TBC1D4: variants seen among roughly 807,000 people sequenced by gnomAD.
TBC1D4 encodes TBC1 domain family member 4, also known as TBC (Tre-2, BUB2, CDC16) domain-containing protein.
In TBC1D4, 121 loss-of-function variants were observed where a neutral mutation model predicts 142.5. The ratio of observed to expected loss-of-function variants is 0.85; its 90% CI spans 0.73 to 0.99. The LOEUF (loss-of-function observed/expected upper bound fraction) is 0.99. Ranked by LOEUF, TBC1D4 falls within the 50% of genes least tolerant of loss-of-function variation. The probability of loss-of-function intolerance (pLI) is 0.00; values close to 1 mark genes in which losing one functional copy is unlikely to be tolerated. For missense variants in TBC1D4, 1,475 were observed against 1,606.6 expected (o/e 0.92, Z 1.40); for synonymous variants, 630 against 628.2 (o/e 1.00, Z -0.04).
chr13:75,388,248 A>G (rs1028007921), intron 1 of TBC1D4, among the ~76,000 whole-genome samples: 2 of 152,162 alleles, frequency 1.3e-5, no homozygotes, highest in Non-Finnish European at 2.9e-5. Flanking sequence ...TCACATCTGC[A>G]AAGTTAACTT....
chr13:75,361,604 T>C (rs1882513675), intron 2 of TBC1D4, among the ~76,000 whole-genome samples: 1 of 152,210 alleles, frequency 6.6e-6, no homozygotes, highest in Non-Finnish European at 1.5e-5. Context: ...GATCTGGAAC[T>C]CCTGACCTCA....
intron 1 of TBC1D4, among the ~76,000 whole-genome samples, chr13:75,454,224 C>T (rs1887642051): frequency 6.6e-6 from 1 of 151,940 alleles, no homozygotes; most frequent in Non-Finnish European, 1.5e-5. Context: ...GACCTCATGT[C>T]TACAAAAACA....
chr13:75,477,913 G>A (rs1048315215), intron 1 of TBC1D4, among the ~76,000 whole-genome samples: 16 of 152,196 alleles, frequency 1.1e-4, no homozygotes, highest in Admixed American at 3.3e-4. Context: ...AGACAGATCT[G>A]CATTGGCATA....
chr13:75,328,323 A>G (rs1347934496), intron 8 of TBC1D4, among the ~76,000 whole-genome samples: 2 of 152,242 alleles, frequency 1.3e-5, no homozygotes, highest in African/African-American at 4.8e-5. Flanking sequence ...TCATTATTCC[A>G]TAATGCCAAA....
intron 11 of TBC1D4, among the ~76,000 whole-genome samples, chr13:75,321,678 A>C (rs1225043530): frequency 1.3e-5 from 2 of 152,154 alleles, no homozygotes; most frequent in East Asian, 3.8e-4. Context: ...TTTGTCCAAC[A>C]ATTTTACTAC....
chr13:75,393,707 G>A (rs1884614473), intron 1 of TBC1D4, among the ~76,000 whole-genome samples: 2 of 152,114 alleles, frequency 1.3e-5, no homozygotes, highest in African/African-American at 4.8e-5. Context: ...CAAGGTGGGC[G>A]GATCACCTAA....
intron 12 of TBC1D4, among the ~76,000 whole-genome samples, chr13:75,315,403 CATAT>C (rs72058258): frequency 3.4e-4 from 49 of 144,626 alleles, no homozygotes; most frequent in South Asian, 6.6e-4. Flanking sequence ...TATATACACA[CATAT>C]ATATATATAT....
chr13:75,362,304 G>T lies in TBC1D4; in HGVS notation c.802C>A (p.Pro268Thr). 3 of 1,613,886 alleles carry T rather than the reference G, an allele frequency of 1.9e-6. No individual in the cohort carries two copies. Among genetic ancestry groups the T allele is most frequent in the South Asian group, 2.2e-5 (2 of 91,074 alleles). Residue 268 changes from proline to threonine, a missense_variant, in exon 2 of 21, where the codon CCG becomes ACG. Pro to Thr is a conservative substitution (Grantham distance 38, BLOSUM62 -1). This residue lies in a region of TBC1D4 where 1,227 missense variants were observed against 1,267.7 expected (regional missense o/e 0.97). Coordinates refer to ENST00000377636, the MANE Select transcript of TBC1D4 (RefSeq NM_014832.5). The surrounding 1 kb of genome is among the most constrained non-coding windows in gnomAD (Gnocchi z 4.2). ...VVPGSPGDCL[P>T]EEADGTDTHL... ...GTGTCGGTGCCGTCAGCCTCCTCCG[G>T]CAGGCAGTCTCCGGGGGACCCGGGC...
At chr13:75,352,476 G>A (rs1201833977) in intron 4 of TBC1D4, among the ~76,000 whole-genome samples, 1 of 151,918 alleles carries the variant, frequency 6.6e-6, no homozygotes, top group African/African-American at 2.4e-5. Context: ...GTAAGTAGCA[G>A]TCCACCTGTA....
intron 1 of TBC1D4, among the ~76,000 whole-genome samples, chr13:75,389,147 T>C (rs1884337093): frequency 6.6e-6 from 1 of 152,254 alleles, no homozygotes; most frequent in South Asian, 2.1e-4. Context: ...GTGATTGTTT[T>C]TTAAAAATAA....
intron 1 of TBC1D4, among the ~76,000 whole-genome samples, chr13:75,469,645 G>A (rs1024527968): frequency 3.9e-5 from 6 of 152,052 alleles, no homozygotes; most frequent in Non-Finnish European, 5.9e-5. Context: ...CATGGTGGCT[G>A]GAACCTGTAG....
chr13:75,427,402 G>A (rs1886422207), intron 1 of TBC1D4, among the ~76,000 whole-genome samples: 1 of 152,188 alleles, frequency 6.6e-6, no homozygotes, highest in South Asian at 2.1e-4. Flanking sequence ...CAAGATGGGT[G>A]CAGTGGCTTA....
chr13:75,336,141 G>A (rs1390816484), intron 8 of TBC1D4, among the ~76,000 whole-genome samples: 1 of 152,166 alleles, frequency 6.6e-6, no homozygotes, highest in East Asian at 1.9e-4. Flanking sequence ...GCTCACACCT[G>A]TAATCCCAGC....
chr13:75,389,586 A>C (rs1884359495), intron 1 of TBC1D4, among the ~76,000 whole-genome samples: 1 of 152,160 alleles, frequency 6.6e-6, no homozygotes, highest in African/African-American at 2.4e-5. Context: ...ACAAAATAAT[A>C]ATTATGAGAA....
chr13:75,449,907 T>C (rs1029680729), intron 1 of TBC1D4, among the ~76,000 whole-genome samples: 2 of 152,106 alleles, frequency 1.3e-5, no homozygotes, highest in African/African-American at 2.4e-5. Flanking sequence ...TTTTAATGTG[T>C]ATTTTTTACA....
chr13:75,481,591 C>T lies in TBC1D4; in HGVS notation c.177G>A (p.Met59Ile), dbSNP rs1888881826. The T allele has an allele frequency of 1.4e-5, 22 of 1,607,078 alleles. No homozygotes were observed. Among genetic ancestry groups the T allele is most frequent in the South Asian group, 3.3e-5 (3 of 90,356 alleles). The change falls in exon 1 of 21, where the codon ATG (methionine) becomes ATA (isoleucine). Residue 59 changes from methionine to isoleucine, a missense_variant. Coordinates refer to ENST00000377636, the MANE Select transcript of TBC1D4 (RefSeq NM_014832.5). Reference protein sequence around the residue: ...RTTLPMLPWLMAEIRRRSQKP... With the variant: ...RTTLPMLPWLIAEIRRRSQKP... ...TCTGGCTGCGCCTGCGGATCTCGGC[C>T]ATGAGCCAGGGCAGCATAGGCAGCG...
At chr13:75,382,502 C>T (rs1005231646) in intron 1 of TBC1D4, among the ~76,000 whole-genome samples, 1 of 152,012 alleles carries the variant, frequency 6.6e-6, no homozygotes, top group Non-Finnish European at 1.5e-5. Flanking sequence ...TAGCTTTTAG[C>T]CATGGGTGGA....
At chr13:75,303,862 T>C (rs1334914506) in intron 15 of TBC1D4, among the ~76,000 whole-genome samples, 3 of 152,210 alleles carry the variant, frequency 2.0e-5, no homozygotes, top group Non-Finnish European at 4.4e-5. Flanking sequence ...CCTGTTGCCT[T>C]TATGGAATTC....
intron 1 of TBC1D4, among the ~76,000 whole-genome samples, chr13:75,455,515 G>A (rs566807841): frequency 4.6e-5 from 7 of 152,312 alleles, no homozygotes; most frequent in Non-Finnish European, 5.9e-5. Context: ...ACTGAGGCAG[G>A]AGGATCCCTT....
Sources: allele counts gnomAD v4.1 joint callset (sites outside exome capture counted in the v4.1 genomes callset), GRCh38; gene constraint gnomAD v4.1.1; regional missense constraint gnomAD v4.1.1; non-coding constraint Gnocchi (gnomAD v3.1); transcripts MANE v1.5; gene names NCBI Gene and HGNC (gene_info 2026-07-23, HGNC 2026-07-21).